The following SLC8A1 variants were observed in gnomAD, a reference collection of about 807,000 sequenced individuals.
SLC8A1 encodes the protein sodium/calcium exchanger 1.
In SLC8A1, 18 loss-of-function variants were observed where a neutral mutation model predicts 68.3. The ratio of observed to expected loss-of-function variants is 0.26; its 90% CI spans 0.18 to 0.39. The LOEUF is 0.39. Among genes scored for constraint, SLC8A1 ranks in the 10% least tolerant of loss-of-function variants. The pLI, the probability that SLC8A1 is intolerant of heterozygous loss-of-function variation, is 1.00. For missense variants in SLC8A1, 985 were observed against 1,156.7 expected (o/e 0.85, Z 2.15); for synonymous variants, 475 against 415.5 (o/e 1.14, Z -1.74).
intron 2 of SLC8A1, among the ~76,000 whole-genome samples, chr2:40,389,312 A>G (rs1042961030): frequency 3.9e-5 from 6 of 151,956 alleles, no homozygotes; most frequent in African/African-American, 9.7e-5. Flanking sequence ...AGTGTCCTAC[A>G]TATTTAGTAG....
chr2:40,160,637 AC>A lies in SLC8A1; in HGVS notation c.2161+127del, dbSNP rs1418606072. The A allele has an allele frequency of 1.9e-5, 14 of 751,802 alleles. No individual in the cohort carries two copies. In the Admixed American group the frequency reaches 3.4e-4, roughly 18 times the overall value. The allele number at this position is 751,802 out of a possible 1,614,324, so 46.6% of individuals were successfully genotyped here. The stretch of plus-strand genomic sequence containing the variant: ...AAAATGTGCATACATTAACAAATAA[AC>A]TTATTTCTCCCTTAATTTTGCCATG... On this transcript the variant is annotated intron_variant, in intron 6 of 7. Coordinates refer to ENST00000406785, the Ensembl canonical transcript of SLC8A1.
chr2:40,429,347 C>T (rs764404716), exon 2 of SLC8A1: 17 of 1,613,884 alleles, frequency 1.1e-5, no homozygotes, highest in Non-Finnish European at 1.4e-5. Flanking sequence ...CTCTCATCCA[C>T]CTCCAGAACC....
chr2:40,349,570 A>G (rs1670410151), intron 2 of SLC8A1, among the ~76,000 whole-genome samples: 2 of 152,136 alleles, frequency 1.3e-5, no homozygotes, highest in Admixed American at 1.3e-4. Flanking sequence ...TGGGGTTAAT[A>G]AGAGTATCTA....
intron 1 of SLC8A1, among the ~76,000 whole-genome samples, chr2:40,467,615 T>C (rs1703768279): frequency 6.6e-6 from 1 of 152,184 alleles, no homozygotes; most frequent in Admixed American, 6.5e-5. Context: ...AAAGGTCATA[T>C]AGTATGTCTT....
At chr2:40,508,704 C>T (rs959508207) in intron 1 of SLC8A1, among the ~76,000 whole-genome samples, 33 of 152,150 alleles carry the variant, frequency 2.2e-4, no homozygotes, top group African/African-American at 5.5e-4. Flanking sequence ...AATATGCCGT[C>T]GATAAAACTT....
chr2:40,489,538 C>T (rs1422829179), intron 1 of SLC8A1, among the ~76,000 whole-genome samples: 1 of 152,114 alleles, frequency 6.6e-6, no homozygotes, highest in African/African-American at 2.4e-5. Context: ...GAGATACCAA[C>T]GCAGTTCTTC....
At chr2:40,329,055 C>A (rs1256425606) in intron 2 of SLC8A1, among the ~76,000 whole-genome samples, 1 of 128,640 alleles carries the variant, frequency 7.8e-6, no homozygotes, top group Non-Finnish European at 1.6e-5. Context: ...CCTCACACTA[C>A]AACCTCACAC....
chr2:40,269,151 G>A (rs1370974432), intron 2 of SLC8A1, among the ~76,000 whole-genome samples: 1 of 152,190 alleles, frequency 6.6e-6, no homozygotes, highest in Non-Finnish European at 1.5e-5. Context: ...TATAGACTAA[G>A]AACTTTACTT....
At chr2:40,180,812 C>T (rs1293798077) in intron 2 of SLC8A1, among the ~76,000 whole-genome samples, 1 of 152,162 alleles carries the variant, frequency 6.6e-6, no homozygotes, top group Non-Finnish European at 1.5e-5. Context: ...AGTAGCCTTG[C>T]TAATAGGGTG....
intron 2 of SLC8A1, among the ~76,000 whole-genome samples, chr2:40,355,215 G>A (rs1199442630): frequency 1.3e-5 from 2 of 152,102 alleles, no homozygotes; most frequent in African/African-American, 2.4e-5. Flanking sequence ...GATAATGCTG[G>A]AAAATGCTGA....
chr2:40,142,878 A>G (rs1474141551), intron 6 of SLC8A1, among the ~76,000 whole-genome samples: 1 of 152,036 alleles, frequency 6.6e-6, no homozygotes, highest in African/African-American at 2.4e-5. Context: ...ATAGGTTTTT[A>G]AAAACAAAAA....
Position 40,369,501 on chromosome 2 carries a change from T to A in SLC8A1, c.1808+58972A>T, listed in dbSNP as rs1443379030. On this transcript the variant is annotated intron_variant, in intron 2 of 7. Transcript: ENST00000406785. Reference sequence around the variant, plus strand: ...TGAATAGATTTAGCATTGCTAATGTTAAGAGTTCTGTCTGTTTTTCATCCA... The same window carrying A: ...TGAATAGATTTAGCATTGCTAATGTAAAGAGTTCTGTCTGTTTTTCATCCA... Among the ~76,000 whole-genome samples the A allele has an allele frequency of 3.3e-5, 5 of 152,110 alleles. 1 individual carries two copies. The highest frequency in any genetic ancestry group is 3.3e-4 in the Admixed American group (5 of 15,232).
intron 2 of SLC8A1, among the ~76,000 whole-genome samples, chr2:40,381,087 C>T (rs1681613433): frequency 6.6e-6 from 1 of 152,074 alleles, no homozygotes; most frequent in African/African-American, 2.4e-5. Context: ...AGAAAAATTT[C>T]CACCAACCAG....
At chr2:40,355,792 A>G (rs574046623) in intron 2 of SLC8A1, among the ~76,000 whole-genome samples, 1 of 152,254 alleles carries the variant, frequency 6.6e-6, no homozygotes, top group Non-Finnish European at 1.5e-5. Context: ...TTTCTTTGGC[A>G]TTTGCTTTCT....
intron 7 of SLC8A1, among the ~76,000 whole-genome samples, chr2:40,119,128 G>A (rs932684082): frequency 1.3e-5 from 2 of 152,114 alleles, no homozygotes; most frequent in Admixed American, 1.3e-4. Flanking sequence ...TAATGTGAAT[G>A]TTGCATAAGG....
intron 2 of SLC8A1, among the ~76,000 whole-genome samples, chr2:40,183,232 A>T (rs1573706005): frequency 6.6e-6 from 1 of 152,106 alleles, no homozygotes; most frequent in Non-Finnish European, 1.5e-5. Context: ...CAATCATATG[A>T]CTCAAAATTA....
At chr2:40,102,671 C>T (rs912934514) in exon 8 of SLC8A1, 9 of 152,242 alleles carry the variant, frequency 5.9e-5, no homozygotes, top group African/African-American at 2.2e-4. Flanking sequence ...CTTCCTTAAA[C>T]AAGCACCTGC....
intron 7 of SLC8A1, among the ~76,000 whole-genome samples, chr2:40,128,246 C>T (rs2038564017): frequency 6.6e-6 from 1 of 152,182 alleles, no homozygotes; most frequent in South Asian, 2.1e-4. Flanking sequence ...TCTAAAAATA[C>T]CAGTGGGCTT....
chr2:40,248,033 A>C (rs1214044461), intron 2 of SLC8A1, among the ~76,000 whole-genome samples: 2 of 152,194 alleles, frequency 1.3e-5, no homozygotes, highest in African/African-American at 4.8e-5. Context: ...CCCTTAAAAC[A>C]GATTGCTTGA....
Sources: gnomAD v4.1 joint callset for allele counts (sites outside exome capture counted in the v4.1 genomes callset) on GRCh38, gnomAD v4.1.1 for gene constraint, MANE v1.5 for transcripts, NCBI Gene and HGNC (gene_info 2026-07-23, HGNC 2026-07-21) for gene names.